Variants in VPS13D observed in about 807,000 individuals in gnomAD.
The protein encoded by VPS13D is vacuolar protein sorting 13 homolog D, also known as intermembrane lipid transfer protein VPS13D.
A neutral mutation model predicts 461.9 loss-of-function variants in VPS13D; 187 were observed. The ratio of observed to expected loss-of-function variants is 0.40; its 90% CI spans 0.36 to 0.46. The LOEUF (loss-of-function observed/expected upper bound fraction) is 0.46. Among genes scored for constraint, VPS13D ranks in the 20% least tolerant of loss-of-function variants. The pLI is 0.60. For missense variants in VPS13D, 4,711 were observed against 5,364.9 expected, an observed-to-expected ratio of 0.88 and a Z score of 3.81; for synonymous variants, 1,951 against 1,986.3, an observed-to-expected ratio of 0.98 and a Z score of 0.47.
At position 12,322,713 on chromosome 1, in the gene VPS13D, G is replaced by C; in HGVS notation, c.7882G>C (p.Glu2628Gln). Reference protein sequence around the residue: ...GASRVGEEIREGTRHTLDPVL... With the variant: ...GASRVGEEIRQGTRHTLDPVL... ...ATCTCGCGTTGGAGAGGAAATCAGA[G>C]AAGGGACAAGACACACCTTAGATCC... Residue 2628 changes from glutamate (E) to glutamine (Q), a missense_variant, in exon 34 of 70, where the codon GAA becomes CAA. Glu to Gln is a conservative substitution (Grantham distance 29). Transcript: ENST00000620676. 1 of 1,614,186 alleles carries C rather than the reference G, an allele frequency of 6.2e-7. No homozygotes were observed. Among genetic ancestry groups the C allele is most frequent in the Non-Finnish European group, 8.5e-7 (1 of 1,180,004 alleles).
At chr1:12,423,392 CA>C (rs947716012) in intron 65 of VPS13D, among the ~76,000 whole-genome samples, 7 of 151,756 alleles carry the variant, frequency 4.6e-5, no homozygotes, top group African/African-American at 1.7e-4. Flanking sequence ...ACAAATAAAC[CA>C]AAAAAATAAA....
At chr1:12,328,917 A>C (rs1444784394) in intron 36 of VPS13D, among the ~76,000 whole-genome samples, 1 of 152,190 alleles carries the variant, frequency 6.6e-6, no homozygotes, top group African/African-American at 2.4e-5. Context: ...CGATCTTGCC[A>C]GCCTCTTCTT....
At chr1:12,500,266 A>G in intron 68 of VPS13D, 1 of 967,382 alleles carries the variant, frequency 1.0e-6, no homozygotes. Context: ...TTTCAAATTA[A>G]TCATATATTC....
At chr1:12,307,653 T>G (rs1642605558) in intron 26 of VPS13D, among the ~76,000 whole-genome samples, 1 of 151,986 alleles carries the variant, frequency 6.6e-6, no homozygotes, top group Admixed American at 6.6e-5. Context: ...ACACCACCCC[T>G]GGCTAATTTT....
At chr1:12,489,807 C>T (rs144827559) in intron 67 of VPS13D, among the ~76,000 whole-genome samples, 149 of 152,322 alleles carry the variant, frequency 9.8e-4, no homozygotes, top group Non-Finnish European at 1.8e-3. Flanking sequence ...ATCTACTCCT[C>T]ACAACAACCC....
intron 30 of VPS13D, among the ~76,000 whole-genome samples, chr1:12,316,977 C>G (rs549685531): frequency 6.6e-5 from 10 of 152,046 alleles, no homozygotes; most frequent in African/African-American, 2.2e-4. Context: ...ATGTAGACTT[C>G]GGAGCAATGG....
intron 50 of VPS13D, among the ~76,000 whole-genome samples, chr1:12,361,760 G>A (rs996746211): frequency 2.6e-5 from 4 of 152,160 alleles, no homozygotes; most frequent in Admixed American, 1.3e-4. Context: ...TTCTATATTT[G>A]GAACCGGCTG....
chr1:12,443,062 A>G (rs1176354687), intron 65 of VPS13D, among the ~76,000 whole-genome samples: 1 of 152,240 alleles, frequency 6.6e-6, no homozygotes, highest in Non-Finnish European at 1.5e-5. Flanking sequence ...AGACAGTAGA[A>G]TATACCAGTA....
intron 16 of VPS13D, among the ~76,000 whole-genome samples, chr1:12,270,047 C>T (rs1052412155): frequency 3.9e-5 from 6 of 152,052 alleles, no homozygotes; most frequent in East Asian, 1.9e-4. Context: ...CCCAGCTACT[C>T]GGGAGGCTGA....
Position 12,321,841 on chromosome 1 carries a change from T to A in VPS13D, c.7581T>A (p.Asp2527Glu). Residue 2527 changes from aspartate to glutamate, a missense_variant, in exon 33 of 70, where the codon GAT becomes GAA. Asp to Glu is a conservative substitution (Grantham distance 45, BLOSUM62 2). Coordinates refer to ENST00000620676, the MANE Select transcript of VPS13D (RefSeq NM_015378.4). The stretch of plus-strand genomic sequence containing the variant: ...CATGCCGACTAGGGAATGAGCATGA[T>A]ACAGCTCTTTCAATTGTGGATCCCG... ...VFSCRLGNEH[D>E]TALSIVDPVQ... The A allele has an allele frequency of 6.2e-7, 1 of 1,611,968 alleles. No homozygotes were observed. Among genetic ancestry groups the A allele is most frequent in the Non-Finnish European group, 8.5e-7 (1 of 1,179,348 alleles).
chr1:12,384,698 T>C (rs1193238280), intron 58 of VPS13D, among the ~76,000 whole-genome samples: 2 of 152,148 alleles, frequency 1.3e-5, no homozygotes, highest in Admixed American at 6.6e-5. Flanking sequence ...TAGCTCATTA[T>C]AGCCTCGAAC....
At chr1:12,269,274 A>G (rs1014204890) in intron 16 of VPS13D, among the ~76,000 whole-genome samples, 3 of 152,218 alleles carry the variant, frequency 2.0e-5, no homozygotes, top group African/African-American at 7.2e-5. Flanking sequence ...TTGAAAGGCA[A>G]TAAAATAGTA....
chr1:12,345,608 T>G (rs1643658682), intron 43 of VPS13D, 99 bp downstream of exon 43: 5 of 1,480,372 alleles, frequency 3.4e-6, no homozygotes, highest in Non-Finnish European at 4.5e-6. Context: ...TCTTGTTCTT[T>G]CTTTCCCCTA....
At chr1:12,272,346 TGTG>T (rs1641469221) in intron 17 of VPS13D, among the ~76,000 whole-genome samples, 1 of 151,808 alleles carries the variant, frequency 6.6e-6, no homozygotes, top group Admixed American at 6.6e-5. Flanking sequence ...CCAAGTAAAA[TGTG>T]GTGTGTAGTA....
Position 12,279,381 on chromosome 1 carries a change from C to A in VPS13D, c.4451-118C>A. The A allele has an allele frequency of 1.7e-6, 2 of 1,205,606 alleles. No individual in the cohort carries two copies. Among genetic ancestry groups the A allele is most frequent in the Non-Finnish European group, 2.2e-6 (2 of 911,082 alleles). 74.7% of individuals were successfully genotyped at this position (1,205,606 alleles called of 1,614,324 possible). ...CATAGACCCCGGGTGCCAGGCTAACCTGCCCTCCTGGTCTAAGTGTAACTC... is the reference window on the plus strand; with the variant it reads ...CATAGACCCCGGGTGCCAGGCTAACATGCCCTCCTGGTCTAAGTGTAACTC... On this transcript the variant is annotated intron_variant, in intron 19 of 69. Coordinates refer to ENST00000620676, the MANE Select transcript of VPS13D (RefSeq NM_015378.4). The surrounding 1 kb of genome is among the most constrained non-coding windows in gnomAD (Gnocchi z 4.3).
chr1:12,260,518 A>C (rs779574857), intron 10 of VPS13D, among the ~76,000 whole-genome samples, 175 bp from the exon 11 acceptor site: 1 of 152,172 alleles, frequency 6.6e-6, no homozygotes, highest in Non-Finnish European at 1.5e-5. Context: ...AAAGCTACTT[A>C]AGCCAGAAAC....
rs771180052 is a variant in VPS13D, at chr1:12,277,149, G to T, written c.3561G>T (p.Glu1187Asp). The T allele has an allele frequency of 3.1e-6, 5 of 1,614,188 alleles. No individual in the cohort carries two copies. The East Asian group carries it at 8.9e-5, about 29-fold the overall frequency. Reference protein sequence around the residue: ...LLRTVGMANREKYGRKIATAS... With the variant: ...LLRTVGMANRDKYGRKIATAS... Reference sequence around the variant, plus strand: ...GGACAGTGGGCATGGCAAATAGAGAGAAATATGGCAGAAAAATTGCAACTG... The same window carrying T: ...GGACAGTGGGCATGGCAAATAGAGATAAATATGGCAGAAAAATTGCAACTG... The change falls in exon 19 of 70, where the codon GAG (glutamate) becomes GAT (aspartate). Residue 1187 changes from glutamate to aspartate, a missense_variant. By Grantham distance (45) the Glu-to-Asp change is conservative (BLOSUM62 2). Coordinates refer to ENST00000620676, the MANE Select transcript of VPS13D (RefSeq NM_015378.4).
Position 12,277,420 on chromosome 1 carries a change from T to A in VPS13D, c.3832T>A (p.Ser1278Thr). 2.5e-6 allele frequency: 4 copies of A among 1,614,204 alleles called. No homozygotes were observed. Residue 1278 changes from serine (S) to threonine (T), a missense_variant, in exon 19 of 70, where the codon TCT becomes ACT. Ser to Thr is a moderately conservative substitution (Grantham distance 58, BLOSUM62 1). Around this residue, in one of 3 missense-constraint regions of VPS13D, gnomAD observed 4,411 missense variants for 4,937.8 expected, o/e 0.89. Transcript: ENST00000620676. ...EALSFTFVER[S>T]KQECFLNLKM... ...TTTGAGTTTCACGTTTGTTGAGAGA[T>A]CTAAACAGGAGTGTTTTCTCAACCT... is the stretch of plus-strand genomic sequence containing the variant.
intron 40 of VPS13D, 119 bp from the exon 41 acceptor site, chr1:12,341,653 TCTTTCTTG>T: frequency 1.3e-6 from 1 of 768,914 alleles, no homozygotes; most frequent in Non-Finnish European, 2.1e-6. Context: ...TCCTGTTCCT[TCTTTCTTG>T]CTTCCACCTT....
Sources: allele counts gnomAD v4.1 joint callset (sites outside exome capture counted in the v4.1 genomes callset), GRCh38; gene constraint gnomAD v4.1.1; regional missense constraint gnomAD v4.1.1; non-coding constraint Gnocchi (gnomAD v3.1); transcripts MANE v1.5; gene names NCBI Gene and HGNC (gene_info 2026-07-23, HGNC 2026-07-21).